The following SCLT1 variants were observed in gnomAD, a reference collection of about 807,000 sequenced individuals.
SCLT1 encodes the protein sodium channel-associated protein 1.
SCLT1 carries 78 observed loss-of-function variants against 112.8 expected under a neutral mutation model. The ratio of observed to expected loss-of-function variants is 0.69; its 90% CI spans 0.58 to 0.83. The LOEUF (loss-of-function observed/expected upper bound fraction) is 0.83. Among genes scored for constraint, SCLT1 ranks in the 40% least tolerant of loss-of-function variants. SCLT1 has a pLI of 0.00. For missense variants in SCLT1, 747 were observed against 770.4 expected (o/e 0.97, Z 0.36); for synonymous variants, 257 against 254.7 (o/e 1.01, Z -0.09).
intron 3 of SCLT1, among the ~76,000 whole-genome samples, chr4:128,878,035 G>T (rs1036227297): frequency 6.6e-6 from 1 of 152,094 alleles, no homozygotes; most frequent in African/African-American, 2.4e-5. Flanking sequence ...CATCCTAACT[G>T]CTTGGAAAGT....
At chr4:128,922,780 C>T (rs1450610503) in intron 18 of SCLT1, among the ~76,000 whole-genome samples, 1 of 152,104 alleles carries the variant, frequency 6.6e-6, no homozygotes, top group Non-Finnish European at 1.5e-5. Context: ...CTCATGTACC[C>T]ATGAACCTAA....
At chr4:129,071,825 G>C (rs960783503) in intron 2 of SCLT1, among the ~76,000 whole-genome samples, 1 of 152,130 alleles carries the variant, frequency 6.6e-6, no homozygotes, top group African/African-American at 2.4e-5. Context: ...GTGAGGTACT[G>C]TTGCATTCAC....
chr4:129,054,221 T>C (rs1014405870), intron 2 of SCLT1, among the ~76,000 whole-genome samples: 1 of 152,180 alleles, frequency 6.6e-6, no homozygotes, highest in Non-Finnish European at 1.5e-5. Flanking sequence ...CTGATGATTA[T>C]GTGTCTTGGG....
At chr4:128,876,240 G>A (rs151285246) in intron 4 of SCLT1, among the ~76,000 whole-genome samples, 304 of 152,148 alleles carry the variant, frequency 2.0e-3, no homozygotes, top group Admixed American at 4.8e-3. Context: ...ACAATTATTC[G>A]TACATTTTGC....
chr4:128,923,950 A>G (rs1560845043), intron 18 of SCLT1, among the ~76,000 whole-genome samples: 1 of 152,052 alleles, frequency 6.6e-6, no homozygotes, highest in South Asian at 2.1e-4. Flanking sequence ...CTGGGACTTT[A>G]GGCATGCACT....
At chr4:128,883,921 T>A (rs1283946341), downstream of SCLT1, 1 of 152,124 alleles carries the variant, frequency 6.6e-6, no homozygotes, top group African/African-American at 2.4e-5. Flanking sequence ...AATATCAAGT[T>A]CCATAAATAC....
At chr4:128,968,555 C>T (rs72922045) in intron 10 of SCLT1, among the ~76,000 whole-genome samples, 7 of 152,098 alleles carry the variant, frequency 4.6e-5, no homozygotes, top group Non-Finnish European at 1.0e-4. Flanking sequence ...TCTAACAGAT[C>T]GATCCATTTA....
intron 2 of SCLT1, among the ~76,000 whole-genome samples, chr4:129,046,884 A>C (rs191768314): frequency 1.2e-4 from 19 of 152,192 alleles, no homozygotes; most frequent in Admixed American, 9.8e-4. Flanking sequence ...TGTGGTTTGA[A>C]TTTCCATTTA....
chr4:128,986,546 C>T (rs1742110720), intron 9 of SCLT1, among the ~76,000 whole-genome samples: 1 of 152,198 alleles, frequency 6.6e-6, no homozygotes, highest in East Asian at 1.9e-4. Context: ...CAGTACTGCT[C>T]CAAAGAGACT....
intron 5 of SCLT1, among the ~76,000 whole-genome samples, chr4:129,008,888 C>T (rs1744265974): frequency 1.3e-5 from 2 of 152,160 alleles, no homozygotes; most frequent in African/African-American, 4.8e-5. Flanking sequence ...TCATTTAGCT[C>T]CCACTTATAA....
intron 9 of SCLT1, among the ~76,000 whole-genome samples, chr4:128,972,689 G>T (rs1377745915): frequency 1.3e-5 from 2 of 152,132 alleles, no homozygotes; most frequent in Non-Finnish European, 2.9e-5. Flanking sequence ...TCTTTCAATT[G>T]TGTATTCCTT....
At position 128,999,767 on chromosome 4, in the gene SCLT1, GC is replaced by G; in HGVS notation, c.453del (p.Trp151CysfsTer19). 1 of 1,600,136 alleles carries G rather than the reference GC, an allele frequency of 6.2e-7. No individual in the cohort carries two copies. The highest frequency in any genetic ancestry group is 1.1e-5 in the South Asian group (1 of 89,136). ...CTGTCCAACTCCTGAGAAACAGTCT[GC>G]CAGAGTTCCACAGCCTGAGTTTTTT... is the stretch of plus-strand genomic sequence containing the variant. ...NQEKTQAVEL[W>X]QTVSQELDRL... On this transcript the variant is annotated frameshift_variant, in exon 7 of 21. Transcript: ENST00000281142. LOFTEE classifies it high-confidence loss of function.
intron 9 of SCLT1, among the ~76,000 whole-genome samples, chr4:128,988,024 T>C (rs1344914251): frequency 6.6e-6 from 1 of 151,984 alleles, no homozygotes; most frequent in Admixed American, 6.6e-5. Context: ...AAAAAGCTTA[T>C]GAATTTTGTC....
intron 1 of SCLT1, among the ~76,000 whole-genome samples, chr4:129,091,167 C>A (rs1217852211): frequency 2.0e-5 from 3 of 152,210 alleles, no homozygotes; most frequent in Non-Finnish European, 4.4e-5. Context: ...AAATGGCATG[C>A]AAAATCCGGT....
intron 4 of SCLT1, chr4:128,874,691 C>G (rs1255936051): frequency 1.3e-5 from 2 of 152,580 alleles, no homozygotes; most frequent in East Asian, 3.8e-4. Flanking sequence ...CCAGCCCAAA[C>G]ACCCACTTGC....
intron 11 of SCLT1, among the ~76,000 whole-genome samples, chr4:128,962,115 T>C (rs1739789277): frequency 6.6e-6 from 1 of 152,182 alleles, no homozygotes; most frequent in Non-Finnish European, 1.5e-5. Context: ...TAGCTTCCTG[T>C]TTTTGTTTTT....
At chr4:129,049,160 G>A (rs1006535188) in intron 2 of SCLT1, among the ~76,000 whole-genome samples, 1 of 151,174 alleles carries the variant, frequency 6.6e-6, no homozygotes, top group Admixed American at 6.6e-5. Context: ...AAATCATGCT[G>A]CTATAAAGAC....
At chr4:128,968,375 AT>A (rs2126029260) in intron 10 of SCLT1, among the ~76,000 whole-genome samples, 1 of 152,160 alleles carries the variant, frequency 6.6e-6, no homozygotes, top group African/African-American at 2.4e-5. Context: ...ATCTAGTGAA[AT>A]TTTTATTTCA....
chr4:129,002,495 A>G (rs372552394), intron 6 of SCLT1, among the ~76,000 whole-genome samples: 19 of 152,144 alleles, frequency 1.2e-4, no homozygotes, highest in African/African-American at 4.6e-4. Flanking sequence ...AGAACACTGA[A>G]AAATACAAAT....
Sources: gnomAD v4.1 joint callset for allele counts (sites outside exome capture counted in the v4.1 genomes callset) on GRCh38, gnomAD v4.1.1 for gene constraint, MANE v1.5 for transcripts, NCBI Gene and HGNC (gene_info 2026-07-23, HGNC 2026-07-21) for gene names.